The following EIPR1 variants were observed in gnomAD, a reference collection of about 807,000 sequenced individuals.
The protein encoded by EIPR1 is EARP complex and GARP complex interacting protein 1.
Under a neutral mutation model 48.1 loss-of-function variants are expected in EIPR1, and 25 were observed. The ratio of observed to expected loss-of-function variants is 0.52; its 90% CI spans 0.38 to 0.73. The LOEUF (loss-of-function observed/expected upper bound fraction) is 0.73, where lower values mean the gene tolerates loss of function less well. Ranked by LOEUF, EIPR1 falls within the 30% of genes least tolerant of loss-of-function variation. The probability of loss-of-function intolerance (pLI) is 0.00; values close to 1 mark genes in which losing one functional copy is unlikely to be tolerated. For synonymous variants in EIPR1, 204 were observed against 201.9 expected, an observed-to-expected ratio of 1.01 and a Z score of -0.09; for missense variants, 415 against 506.2, an observed-to-expected ratio of 0.82 and a Z score of 1.73.
intron 8 of EIPR1, among the ~76,000 whole-genome samples, chr2:3,190,938 C>T (rs1273522529): frequency 8.0e-6 from 1 of 124,722 alleles, no homozygotes; most frequent in Non-Finnish European, 1.7e-5. Flanking sequence ...TCTGTCTCTA[C>T]AAAAAGTTAG....
chr2:3,221,025 G>GAGGT (rs1665873494), intron 4 of EIPR1, among the ~76,000 whole-genome samples: 2 of 48,600 alleles, frequency 4.1e-5, no homozygotes, highest in Non-Finnish European at 4.2e-5. Flanking sequence ...CACAATGGCC[G>GAGGT]ACGTACACTC....
intron 3 of EIPR1, among the ~76,000 whole-genome samples, chr2:3,277,569 C>T (rs1275273938): frequency 1.3e-5 from 2 of 152,192 alleles, no homozygotes; most frequent in Non-Finnish European, 2.9e-5. Context: ...CGGTGAACAA[C>T]CCCAGGCCGT....
At chr2:3,195,212 C>T (rs1394388746) in intron 6 of EIPR1, among the ~76,000 whole-genome samples, 3 of 152,222 alleles carry the variant, frequency 2.0e-5, no homozygotes, top group African/African-American at 7.2e-5. Flanking sequence ...CAAAAGGCTG[C>T]GCCCAGGAGA....
At chr2:3,367,964 G>A (rs1427161711) in intron 1 of EIPR1, among the ~76,000 whole-genome samples, 1 of 152,152 alleles carries the variant, frequency 6.6e-6, no homozygotes, top group Non-Finnish European at 1.5e-5. Flanking sequence ...AGAATGGCGT[G>A]AACCCGGGAG....
chr2:3,341,648 ATG>A (rs1209224986), intron 2 of EIPR1, among the ~76,000 whole-genome samples: 2 of 149,086 alleles, frequency 1.3e-5, no homozygotes, highest in Non-Finnish European at 3.0e-5. Context: ...ATGGGTGTGA[ATG>A]TGCATGTATG....
chr2:3,225,475 G>C (rs1396042892), intron 4 of EIPR1, among the ~76,000 whole-genome samples: 1 of 152,088 alleles, frequency 6.6e-6, no homozygotes, highest in East Asian at 1.9e-4. Context: ...CGAACTCCTG[G>C]GCTCAAGCAA....
At chr2:3,365,686 C>T (rs1670955094) in intron 1 of EIPR1, among the ~76,000 whole-genome samples, 1 of 150,366 alleles carries the variant, frequency 6.7e-6, no homozygotes, top group South Asian at 2.1e-4. Context: ...GTGGTGATGA[C>T]TCTTAACGAG....
intron 3 of EIPR1, chr2:3,261,722 CCT>C (rs1201645221): frequency 6.6e-6 from 1 of 152,236 alleles, no homozygotes; most frequent in East Asian, 1.9e-4. Flanking sequence ...TACCGCAGAT[CCT>C]CTGAGTCTGT....
chr2:3,333,412 A>C (rs1452452585), intron 3 of EIPR1, among the ~76,000 whole-genome samples: 1 of 152,092 alleles, frequency 6.6e-6, no homozygotes, highest in Non-Finnish European at 1.5e-5. Context: ...CCCCTTCTCC[A>C]TGGCTGCGTC....
chr2:3,272,280 G>A (rs1366884530), intron 3 of EIPR1, among the ~76,000 whole-genome samples: 1 of 152,238 alleles, frequency 6.6e-6, no homozygotes, highest in Non-Finnish European at 1.5e-5. Flanking sequence ...TGTGTTCACT[G>A]GAGTAGCACT....
intron 3 of EIPR1, among the ~76,000 whole-genome samples, chr2:3,305,188 C>T (rs112748900): frequency 7.2e-4 from 97 of 134,558 alleles, no homozygotes; most frequent in East Asian, 1.1e-3. Flanking sequence ...CAATCCCATC[C>T]AGTTCAACCT....
intron 3 of EIPR1, among the ~76,000 whole-genome samples, chr2:3,334,056 A>G (rs551886775): frequency 1.3e-5 from 2 of 152,332 alleles, no homozygotes; most frequent in South Asian, 2.1e-4. Context: ...AGGGGCTACA[A>G]AAGAGCAACA....
chr2:3,334,344 A>G (rs1265334080), intron 3 of EIPR1, among the ~76,000 whole-genome samples: 1 of 152,254 alleles, frequency 6.6e-6, no homozygotes. Context: ...TAATTCATAT[A>G]TGATTCATGG....
chr2:3,273,687 G>T (rs1667763756), intron 3 of EIPR1, among the ~76,000 whole-genome samples: 1 of 152,040 alleles, frequency 6.6e-6, no homozygotes, highest in Admixed American at 6.5e-5. Context: ...ACTTAAAGAA[G>T]TCCTGGGTTT....
intron 4 of EIPR1, among the ~76,000 whole-genome samples, chr2:3,220,668 A>G (rs1665852999): frequency 1.3e-5 from 2 of 151,850 alleles, no homozygotes; most frequent in Admixed American, 1.3e-4. Context: ...ACTCTAGAGC[A>G]TTCACAGTGA....
chr2:3,309,795 T>C (rs572000138), intron 3 of EIPR1, among the ~76,000 whole-genome samples: 1 of 152,322 alleles, frequency 6.6e-6, no homozygotes, highest in South Asian at 2.1e-4. Flanking sequence ...CCACACCTCC[T>C]TCTGTTCTAA....
intron 3 of EIPR1, among the ~76,000 whole-genome samples, chr2:3,306,459 G>A (rs1209845434): frequency 6.6e-6 from 1 of 151,998 alleles, no homozygotes; most frequent in Non-Finnish European, 1.5e-5. Context: ...ACAGTTTAGG[G>A]GCACCAAACC....
intron 8 of EIPR1, among the ~76,000 whole-genome samples, chr2:3,192,053 A>G (rs1664623233): frequency 6.6e-6 from 1 of 152,222 alleles, no homozygotes; most frequent in South Asian, 2.1e-4. Flanking sequence ...ACTGACTGTG[A>G]TGCGTCTCTT....
chr2:3,194,047 G>T lies in EIPR1; in HGVS notation c.773C>A (p.Thr258Asn). Residue 258 changes from threonine to asparagine, a missense_variant, in exon 7 of 9, where the codon ACC becomes AAC. Coordinates refer to ENST00000382125, the MANE Select transcript of EIPR1 (RefSeq NM_003310.5). ...GDDCKVKFWD[T>N]RNVTEPVKTL... is the part of the protein sequence containing the mutation. ...CTTCACGGGTTCGGTGACATTTCGG[G>T]TGTCCCAGAACTTCACCTTACAGTC... 1 of 1,613,854 alleles carries T rather than the reference G, an allele frequency of 6.2e-7. No individual in the cohort carries two copies. Among genetic ancestry groups the T allele is most frequent in the East Asian group, 2.2e-5 (1 of 44,862 alleles).
Sources: allele counts gnomAD v4.1 joint callset (sites outside exome capture counted in the v4.1 genomes callset), GRCh38; gene constraint gnomAD v4.1.1; transcripts MANE v1.5; gene names NCBI Gene and HGNC (gene_info 2026-07-23, HGNC 2026-07-21).